GALNT13: variants seen among roughly 807,000 people sequenced by gnomAD.
The protein encoded by GALNT13 is UDP-GalNAc:polypeptide N-acetylgalactosaminyltransferase 13.
In GALNT13, 28 loss-of-function variants were observed where a neutral mutation model predicts 64.2. The observed-to-expected ratio is 0.44, with a 90% CI of 0.32 to 0.60. The LOEUF is 0.60. GALNT13 is among the 20% of genes least tolerant of loss of function. The pLI, the probability that GALNT13 is intolerant of heterozygous loss-of-function variation, is 0.05. For synonymous variants in GALNT13, 214 were observed against 224.6 expected (o/e 0.95, Z 0.42); for missense variants, 577 against 669.8 (o/e 0.86, Z 1.53).
chr2:153,682,021 T>C, the GALNT13 span, among the ~76,000 whole-genome samples: 7 of 151,730 alleles, frequency 4.6e-5, no homozygotes, highest in African/African-American at 1.4e-4. Flanking sequence ...CTATCACAGT[T>C]CTTGCGCTGG....
the GALNT13 span, among the ~76,000 whole-genome samples, chr2:153,294,292 C>T: frequency 1.3e-5 from 2 of 152,080 alleles, no homozygotes; most frequent in South Asian, 2.1e-4. Flanking sequence ...CCAGGAGTCA[C>T]CTTGCTTCCT....
At chr2:153,425,849 G>C in the GALNT13 span, among the ~76,000 whole-genome samples, 1 of 151,856 alleles carries the variant, frequency 6.6e-6, no homozygotes, top group African/African-American at 2.4e-5. Flanking sequence ...TTCCATTTGA[G>C]TTTAGTAATA....
At chr2:153,170,170 A>G in the GALNT13 span, among the ~76,000 whole-genome samples, 2 of 152,212 alleles carry the variant, frequency 1.3e-5, no homozygotes, top group African/African-American at 4.8e-5. Flanking sequence ...TCAAATTAGA[A>G]TCTTTTTAGC....
chr2:153,074,160 A>T, the GALNT13 span, among the ~76,000 whole-genome samples: 1 of 152,192 alleles, frequency 6.6e-6, no homozygotes. Flanking sequence ...GAATTGCAAA[A>T]TGGTGGTATT....
At chr2:153,898,869 A>T (rs1022427377) in intron 1 of GALNT13, among the ~76,000 whole-genome samples, 1 of 151,680 alleles carries the variant, frequency 6.6e-6, no homozygotes, top group Non-Finnish European at 1.5e-5. Context: ...AAAAAAAAAA[A>T]AAAAAATGAT....
the GALNT13 span, among the ~76,000 whole-genome samples, chr2:153,323,166 C>G: frequency 1.3e-5 from 2 of 152,236 alleles, no homozygotes; most frequent in African/African-American, 4.8e-5. Flanking sequence ...TGTGTTGTTT[C>G]CTGACTTCTT....
the GALNT13 span, among the ~76,000 whole-genome samples, chr2:153,471,733 C>A: frequency 6.6e-6 from 1 of 152,144 alleles, no homozygotes; most frequent in African/African-American, 2.4e-5. Context: ...AGGGTTTCAG[C>A]TTCTTTCCTT....
At chr2:154,152,683 A>G (rs187999024) in intron 4 of GALNT13, among the ~76,000 whole-genome samples, 97 of 151,874 alleles carry the variant, frequency 6.4e-4, no homozygotes, top group African/African-American at 2.1e-3. Flanking sequence ...CATTCATTTC[A>G]TCTTCCATCA....
intron 7 of GALNT13, among the ~76,000 whole-genome samples, chr2:154,246,676 G>C (rs1689798675): frequency 6.6e-6 from 1 of 151,950 alleles, no homozygotes; most frequent in Admixed American, 6.6e-5. Context: ...AATACTTTCG[G>C]AAGTATTCAC....
At chr2:153,433,700 C>A in the GALNT13 span, among the ~76,000 whole-genome samples, 1 of 152,054 alleles carries the variant, frequency 6.6e-6, no homozygotes, top group Non-Finnish European at 1.5e-5. Context: ...AAAAATTGAA[C>A]CAACTCTCCA....
chr2:153,154,549 C>T, the GALNT13 span, among the ~76,000 whole-genome samples: 1 of 152,024 alleles, frequency 6.6e-6, no homozygotes, highest in Non-Finnish European at 1.5e-5. Context: ...CTCTTGGCTT[C>T]ACTATTGTTG....
chr2:153,864,954 A>C, the GALNT13 span, among the ~76,000 whole-genome samples: 1 of 147,304 alleles, frequency 6.8e-6, no homozygotes. Flanking sequence ...ACTGGTACCA[A>C]AACAGAGATA....
At chr2:154,351,551 C>T (rs184959363) in intron 9 of GALNT13, among the ~76,000 whole-genome samples, 9 of 151,820 alleles carry the variant, frequency 5.9e-5, no homozygotes, top group Admixed American at 2.0e-4. Context: ...GGCATGGTGG[C>T]GGGCACCTGT....
chr2:153,817,667 A>G, the GALNT13 span, among the ~76,000 whole-genome samples: 1 of 152,194 alleles, frequency 6.6e-6, no homozygotes, highest in Admixed American at 6.5e-5. Context: ...AGTGGCCCCT[A>G]AACTTATTAC....
At chr2:154,387,380 A>C (rs867321418) in intron 9 of GALNT13, among the ~76,000 whole-genome samples, 14 of 152,162 alleles carry the variant, frequency 9.2e-5, no homozygotes, top group African/African-American at 3.1e-4. Context: ...AGACACAAAC[A>C]GTATGGAATA....
rs534144128 is a variant in GALNT13 at position 154,367,268 on chromosome 2, A to G, written c.1157-28723A>G. Among the ~76,000 whole-genome samples the G allele has an allele frequency of 5.3e-5, 8 of 152,302 alleles. No homozygotes were observed. The South Asian group carries it at 1.5e-3, about 28-fold the overall frequency. On this transcript the variant is annotated intron_variant, in intron 9 of 12. Coordinates refer to ENST00000392825, the MANE Select transcript of GALNT13 (RefSeq NM_052917.4). ...TTCAAGATGTTAAGATCCCTTATCT[A>G]TGTGGAAAAATGGATGATAACTTTG...
chr2:154,223,207 T>C (rs1688407100), intron 4 of GALNT13, among the ~76,000 whole-genome samples: 1 of 152,076 alleles, frequency 6.6e-6, no homozygotes, highest in African/African-American at 2.4e-5. Flanking sequence ...ATATTCAATT[T>C]ATTTTTCAGC....
At chr2:153,119,625 G>A in the GALNT13 span, among the ~76,000 whole-genome samples, 30 of 152,298 alleles carry the variant, frequency 2.0e-4, no homozygotes, top group Admixed American at 1.6e-3. Flanking sequence ...CTTTGCACTT[G>A]TTTGTAAGGT....
the GALNT13 span, among the ~76,000 whole-genome samples, chr2:153,736,047 C>A: frequency 2.6e-5 from 4 of 152,128 alleles, no homozygotes; most frequent in Admixed American, 1.3e-4. Context: ...CTACTAATTC[C>A]AGCATCAGAT....
Sources: gnomAD v4.1 joint callset for allele counts (sites outside exome capture counted in the v4.1 genomes callset) on GRCh38, gnomAD v4.1.1 for gene constraint, MANE v1.5 for transcripts, NCBI Gene and HGNC (gene_info 2026-07-23, HGNC 2026-07-21) for gene names.